The following AMD1 variants were observed in gnomAD, a reference collection of about 807,000 sequenced individuals.
AMD1 encodes the protein adenosylmethionine decarboxylase 1.
In AMD1, 11 loss-of-function variants were observed where a neutral mutation model predicts 40.2. The ratio of observed to expected loss-of-function variants is 0.27; its 90% confidence interval spans 0.17 to 0.45. The LOEUF (loss-of-function observed/expected upper bound fraction) is 0.45, where lower values mean the gene tolerates loss of function less well. Ranked by LOEUF, AMD1 falls within the 20% of genes least tolerant of loss-of-function variation. The pLI is 1.00. For synonymous variants in AMD1, 121 were observed against 130.8 expected (o/e 0.93, Z 0.51); for missense variants, 257 against 410.2 (o/e 0.63, Z 3.23).
chr6:110,879,209 G>T (rs989996195), intron 1 of AMD1, among the ~76,000 whole-genome samples: 1 of 152,104 alleles, frequency 6.6e-6, no homozygotes, highest in Non-Finnish European at 1.5e-5. Flanking sequence ...GTGCGTGCTG[G>T]TCCATCCTGG....
At chr6:110,840,013 CTTTTTTTTT>C in the AMD1 span, among the ~76,000 whole-genome samples, 1 of 92,874 alleles carries the variant, frequency 1.1e-5, no homozygotes, top group Non-Finnish European at 2.1e-5. Flanking sequence ...GATTCTCTCT[CTTTTTTTTT>C]TTTTTTTTTT....
chr6:110,890,897 ATT>A (rs1448317963), intron 4 of AMD1: 2 of 152,224 alleles, frequency 1.3e-5, no homozygotes. Flanking sequence ...CAGATAAAAT[ATT>A]TTTAGTTAAG....
At chr6:110,847,408 T>C in the AMD1 span, among the ~76,000 whole-genome samples, 13 of 151,020 alleles carry the variant, frequency 8.6e-5, no homozygotes, top group South Asian at 2.1e-4. Flanking sequence ...GCCTGTAGTC[T>C]CAGCTACTCG....
At position 110,890,263 on chromosome 6, in the gene AMD1, T is replaced by C; in HGVS notation, c.334T>C (p.Tyr112His). The C allele has an allele frequency of 6.4e-7, 1 of 1,565,222 alleles. No homozygotes were observed. Among genetic ancestry groups the C allele is most frequent in the Non-Finnish European group, 8.6e-7 (1 of 1,164,364 alleles). Reference sequence around the variant, plus strand: ...TTCTTTTTTAATAAAGAGCTTCTTTTATTCTCGTAAGAATTTCATGAAGCC... The same window carrying C: ...TTCTTTTTTAATAAAGAGCTTCTTTCATTCTCGTAAGAATTTCATGAAGCC... Reference protein sequence around the residue: ...SGFDSIQSFFYSRKNFMKPSH... With the variant: ...SGFDSIQSFFHSRKNFMKPSH... Residue 112 changes from tyrosine to histidine, a missense_variant, in exon 4 of 9, where the codon TAT becomes CAT. Physicochemically the swap from Tyr to His is moderately conservative, Grantham distance 83. This residue lies in a region of AMD1 where 192 missense variants were observed against 296.5 expected (regional missense o/e 0.65). Transcript: ENST00000368885.
chr6:110,849,081 A>AT, the AMD1 span, among the ~76,000 whole-genome samples: 679 of 152,332 alleles, frequency 4.5e-3, 5 homozygotes, highest in African/African-American at 0.015. Context: ...AATCCTCAGC[A>AT]GTATTAATTT....
At chr6:110,876,848 C>T (rs1178966889) in intron 1 of AMD1, among the ~76,000 whole-genome samples, 1 of 147,574 alleles carries the variant, frequency 6.8e-6, no homozygotes, top group Non-Finnish European at 1.5e-5. Flanking sequence ...AAGAACAGTC[C>T]TAGAAAACGA....
chr6:110,856,192 C>G, the AMD1 span, among the ~76,000 whole-genome samples: 2 of 152,156 alleles, frequency 1.3e-5, no homozygotes. Context: ...CCACTACTCT[C>G]TCCACCTTTC....
the AMD1 span, among the ~76,000 whole-genome samples, chr6:110,850,811 T>A: frequency 6.6e-6 from 1 of 152,170 alleles, no homozygotes; most frequent in Non-Finnish European, 1.5e-5. Context: ...AAGCCTAGAC[T>A]GAGGACTGAG....
At chr6:110,818,919 A>T in the AMD1 span, among the ~76,000 whole-genome samples, 3 of 152,224 alleles carry the variant, frequency 2.0e-5, no homozygotes, top group Non-Finnish European at 2.9e-5. Context: ...TCAATTCTGT[A>T]GGCAATAGGA....
At chr6:110,818,278 A>G in the AMD1 span, among the ~76,000 whole-genome samples, 1 of 152,138 alleles carries the variant, frequency 6.6e-6, no homozygotes, top group African/African-American at 2.4e-5. Flanking sequence ...TTGCAAGTAG[A>G]TTTTTAAAGG....
chr6:110,858,229 C>T, the AMD1 span: 15 of 871,110 alleles, frequency 1.7e-5, no homozygotes, highest in East Asian at 2.7e-5. Flanking sequence ...TGCCGCAGCG[C>T]GCGCCAGCCA....
At chr6:110,859,473 G>A in the AMD1 span, among the ~76,000 whole-genome samples, 1 of 152,310 alleles carries the variant, frequency 6.6e-6, no homozygotes, top group African/African-American at 2.4e-5. Flanking sequence ...GAAGGTTTCC[G>A]GTTCCCTTGT....
chr6:110,877,859 TAAACAAATCTGTTTATAAA>T (rs1562334487), intron 1 of AMD1, among the ~76,000 whole-genome samples: 1 of 152,126 alleles, frequency 6.6e-6, no homozygotes, highest in Non-Finnish European at 1.5e-5. Flanking sequence ...CAGATGGAAT[TAAACAAATCTGTTTATAAA>T]GCATAATAAA....
At chr6:110,864,192 CCT>C in the AMD1 span, 51 of 156,712 alleles carry the variant, frequency 3.3e-4, no homozygotes, top group African/African-American at 1.2e-3. Flanking sequence ...GATCCGCCCG[CCT>C]TGGCCTCCCA....
chr6:110,851,099 G>A, the AMD1 span, among the ~76,000 whole-genome samples: 19 of 152,108 alleles, frequency 1.2e-4, no homozygotes, highest in African/African-American at 4.6e-4. Flanking sequence ...GAGTAGCTGG[G>A]ACTACAGGCA....
chr6:110,878,991 T>C (rs1785257269), intron 1 of AMD1, among the ~76,000 whole-genome samples: 1 of 152,198 alleles, frequency 6.6e-6, no homozygotes. Flanking sequence ...CAAAAAACCT[T>C]TTAGTGTAAT....
chr6:110,869,200 G>C, the AMD1 span, among the ~76,000 whole-genome samples: 1 of 150,406 alleles, frequency 6.6e-6, no homozygotes, highest in Non-Finnish European at 1.5e-5. Flanking sequence ...GCGCTATCTC[G>C]GCTCACTGCA....
chr6:110,874,539 G>A (rs1354939373), upstream of AMD1, among the ~76,000 whole-genome samples: 2 of 152,044 alleles, frequency 1.3e-5, no homozygotes, highest in African/African-American at 4.8e-5. Flanking sequence ...TCGATCCGAG[G>A]TTTCTAGTCC....
At chr6:110,815,265 C>T in the AMD1 span, 1 of 1,090,830 alleles carries the variant, frequency 9.2e-7, no homozygotes, top group Non-Finnish European at 1.2e-6. Context: ...GCGCCGCCCG[C>T]CGCCCGCCGC....
Sources: gnomAD v4.1 joint callset for allele counts (sites outside exome capture counted in the v4.1 genomes callset) on GRCh38, gnomAD v4.1.1 for gene constraint, gnomAD v4.1.1 regional missense constraint, MANE v1.5 for transcripts, NCBI Gene and HGNC (gene_info 2026-07-23, HGNC 2026-07-21) for gene names.